CELF4: variants seen among roughly 807,000 people sequenced by gnomAD.
The protein encoded by CELF4 is CUG-BP- and ETR-3-like factor 4.
A neutral mutation model predicts 59.9 loss-of-function variants in CELF4; 18 were observed. That is an observed-to-expected ratio of 0.30 (90% confidence interval 0.21 to 0.45). CELF4 has a LOEUF of 0.45. Ranked by LOEUF, CELF4 falls within the 20% of genes least tolerant of loss-of-function variation. The pLI, the probability that CELF4 is intolerant of heterozygous loss-of-function variation, is 1.00. For missense variants in CELF4, 456 were observed against 689.0 expected (o/e 0.66, Z 3.79); for synonymous variants, 261 against 267.1 (o/e 0.98, Z 0.22).
intron 2 of CELF4, among the ~76,000 whole-genome samples, chr18:37,461,239 T>C (rs2099792621): frequency 6.6e-6 from 1 of 152,018 alleles, no homozygotes; most frequent in South Asian, 2.1e-4. Flanking sequence ...CTGTCAAGAG[T>C]GCCGTGTTAA....
chr18:37,481,103 G>A (rs1044237231), intron 2 of CELF4, among the ~76,000 whole-genome samples: 14 of 152,216 alleles, frequency 9.2e-5, no homozygotes, highest in Non-Finnish European at 1.9e-4. Context: ...GACTCTGCAT[G>A]TCTGCCAGGC....
At chr18:37,445,022 G>A (rs1005512491) in intron 2 of CELF4, among the ~76,000 whole-genome samples, 2 of 152,148 alleles carry the variant, frequency 1.3e-5, no homozygotes, top group Non-Finnish European at 2.9e-5. Context: ...GGGGCTGCTC[G>A]GAAAGGAGGA....
intron 2 of CELF4, among the ~76,000 whole-genome samples, chr18:37,455,138 T>C (rs1458354133): frequency 6.6e-6 from 1 of 152,228 alleles, no homozygotes; most frequent in Non-Finnish European, 1.5e-5. Context: ...GCCTTTTATT[T>C]CCTTAAAACA....
chr18:37,272,572 G>GACAAAAAA (rs1248401139), intron 7 of CELF4, among the ~76,000 whole-genome samples: 2 of 104,950 alleles, frequency 1.9e-5, no homozygotes, highest in African/African-American at 7.1e-5. Context: ...AAAGGGAAAT[G>GACAAAAAA]AAAAAAAAAA....
chr18:37,490,697 G>A (rs932492249), intron 1 of CELF4, among the ~76,000 whole-genome samples: 2 of 152,110 alleles, frequency 1.3e-5, no homozygotes, highest in Admixed American at 6.5e-5. Flanking sequence ...GGTGTTTGGG[G>A]GATGGAAACC....
At chr18:37,449,584 G>A (rs535537628) in intron 2 of CELF4, among the ~76,000 whole-genome samples, 56 of 152,144 alleles carry the variant, frequency 3.7e-4, no homozygotes, top group Non-Finnish European at 6.2e-4. Context: ...CTAGTGGAGG[G>A]GGACCAACAA....
intron 2 of CELF4, among the ~76,000 whole-genome samples, chr18:37,374,829 C>A (rs1233382171): frequency 6.6e-6 from 1 of 152,204 alleles, no homozygotes; most frequent in African/African-American, 2.4e-5. Context: ...AGTGGCCCTG[C>A]CTCTTTGAGC....
intron 3 of CELF4, among the ~76,000 whole-genome samples, chr18:37,287,558 C>A (rs1302914842): frequency 6.6e-6 from 1 of 152,210 alleles, no homozygotes; most frequent in African/African-American, 2.4e-5. Flanking sequence ...TTCCCCTGTG[C>A]CCCTTCCCCC....
chr18:37,522,821 G>A (rs1382544587), intron 1 of CELF4, among the ~76,000 whole-genome samples: 2 of 152,008 alleles, frequency 1.3e-5, no homozygotes, highest in African/African-American at 4.8e-5. Flanking sequence ...CCAGGCTTCC[G>A]CATCTGTTTG....
At chr18:37,349,044 G>A (rs1321113030) in intron 2 of CELF4, among the ~76,000 whole-genome samples, 2 of 152,342 alleles carry the variant, frequency 1.3e-5, no homozygotes, top group South Asian at 2.1e-4. Flanking sequence ...GCTGGAGATC[G>A]CAGGGTGCAA....
intron 2 of CELF4, among the ~76,000 whole-genome samples, chr18:37,368,595 T>C (rs927649242): frequency 7.9e-5 from 12 of 152,234 alleles, no homozygotes; most frequent in African/African-American, 2.9e-4. Context: ...TTTTCTGCCA[T>C]AAACTTCCTC....
intron 10 of CELF4, among the ~76,000 whole-genome samples, chr18:37,261,215 G>A (rs987165001): frequency 1.1e-4 from 16 of 151,992 alleles, no homozygotes; most frequent in Non-Finnish European, 2.2e-4. Flanking sequence ...TCCTTCTTGT[G>A]TCCTCCTGCC....
intron 1 of CELF4, among the ~76,000 whole-genome samples, chr18:37,524,896 C>T (rs1710083502): frequency 1.3e-5 from 2 of 152,168 alleles, no homozygotes; most frequent in Admixed American, 6.5e-5. Flanking sequence ...GCGGGGGTCG[C>T]GGCGGCTGCG....
chr18:37,327,626 T>C (rs922615090), intron 2 of CELF4, among the ~76,000 whole-genome samples: 1 of 152,170 alleles, frequency 6.6e-6, no homozygotes, highest in African/African-American at 2.4e-5. Context: ...CACTGCCTGA[T>C]GCCTGCTTAA....
At chr18:37,265,011 A>G (rs2076733154) in intron 9 of CELF4, among the ~76,000 whole-genome samples, 1 of 138,732 alleles carries the variant, frequency 7.2e-6, no homozygotes, top group Non-Finnish European at 1.6e-5. Flanking sequence ...ACATGCATGT[A>G]CGTGTGGGGA....
At chr18:37,396,549 T>C (rs936079189) in intron 2 of CELF4, among the ~76,000 whole-genome samples, 1 of 152,156 alleles carries the variant, frequency 6.6e-6, no homozygotes, top group African/African-American at 2.4e-5. Flanking sequence ...GAGCAAGGTG[T>C]TTCCATTGCT....
At chr18:37,320,500 G>A (rs895168310) in intron 3 of CELF4, among the ~76,000 whole-genome samples, 3 of 152,154 alleles carry the variant, frequency 2.0e-5, no homozygotes, top group Non-Finnish European at 2.9e-5. Context: ...GGAAGCCACC[G>A]CCCGTCTGTC....
chr18:37,529,140 T>C (rs980925822), intron 1 of CELF4: 1 of 152,154 alleles, frequency 6.6e-6, no homozygotes, highest in African/African-American at 2.4e-5. Context: ...TGTGCCTCGG[T>C]GTCCTCATCT....
intron 2 of CELF4, among the ~76,000 whole-genome samples, chr18:37,382,458 C>T (rs1163943389): frequency 6.6e-6 from 1 of 152,210 alleles, no homozygotes; most frequent in East Asian, 1.9e-4. Context: ...ACGATGATCC[C>T]AGACCAGGGG....
Sources: allele counts gnomAD v4.1 joint callset (sites outside exome capture counted in the v4.1 genomes callset), GRCh38; gene constraint gnomAD v4.1.1; transcripts MANE v1.5; gene names NCBI Gene and HGNC (gene_info 2026-07-23, HGNC 2026-07-21).